UNC79: variants seen among roughly 807,000 people sequenced by gnomAD.
UNC79 encodes protein unc-79 homolog.
Under a neutral mutation model 283.1 loss-of-function variants are expected in UNC79, and 37 were observed. That is an observed-to-expected ratio of 0.13 (90% CI 0.10 to 0.17). The LOEUF is 0.17. UNC79 is among the 10% of genes least tolerant of loss of function. The pLI is 1.00. For synonymous variants in UNC79, 1,107 were observed against 1,200.2 expected (o/e 0.92, Z 1.61); for missense variants, 2,272 against 3,211.1 (o/e 0.71, Z 7.07).
intron 14 of UNC79, among the ~76,000 whole-genome samples, chr14:93,553,387 T>G (rs1404348899): frequency 6.6e-6 from 1 of 152,220 alleles, no homozygotes; most frequent in East Asian, 1.9e-4. Context: ...TTGATATTTA[T>G]GGACACATTA....
At chr14:93,513,121 C>G (rs1001311657) in intron 7 of UNC79, among the ~76,000 whole-genome samples, 3 of 152,012 alleles carry the variant, frequency 2.0e-5, no homozygotes, top group Non-Finnish European at 4.4e-5. Flanking sequence ...TTCTTGATCT[C>G]TAGTCTTTTA....
chr14:93,478,964 A>T (rs1231037716), intron 4 of UNC79, among the ~76,000 whole-genome samples: 1 of 152,234 alleles, frequency 6.6e-6, no homozygotes, highest in Non-Finnish European at 1.5e-5. Flanking sequence ...TCCCTAAATT[A>T]TATAGCAATT....
chr14:93,566,368 T>G (rs1451076583), intron 14 of UNC79, among the ~76,000 whole-genome samples: 1 of 152,166 alleles, frequency 6.6e-6, no homozygotes, highest in African/African-American at 2.4e-5. Context: ...CCACTGGTTT[T>G]CTAAAAAGCA....
chr14:93,347,151 C>T (rs2053858985), intron 1 of UNC79: 2 of 1,250,416 alleles, frequency 1.6e-6, no homozygotes, highest in African/African-American at 1.6e-5. Flanking sequence ...GGGCAGAGCG[C>T]CCCCTCGTGG....
At chr14:93,554,615 G>T (rs912922212) in intron 14 of UNC79, among the ~76,000 whole-genome samples, 4 of 152,044 alleles carry the variant, frequency 2.6e-5, no homozygotes, top group Non-Finnish European at 5.9e-5. Context: ...CCAGATTCTG[G>T]CCCTGTGTTA....
intron 4 of UNC79, among the ~76,000 whole-genome samples, chr14:93,483,929 C>T (rs2058277481): frequency 6.6e-6 from 1 of 152,104 alleles, no homozygotes; most frequent in African/African-American, 2.4e-5. Context: ...TTTGTTAATC[C>T]AGTCTATCAT....
At chr14:93,566,336 C>T (rs1364424503) in intron 14 of UNC79, among the ~76,000 whole-genome samples, 1 of 152,124 alleles carries the variant, frequency 6.6e-6, no homozygotes, top group East Asian at 1.9e-4. Flanking sequence ...GCAAGGGAGA[C>T]AGTGGAAGTG....
At chr14:93,647,960 A>G (rs2069812783) in intron 35 of UNC79, among the ~76,000 whole-genome samples, 1 of 152,182 alleles carries the variant, frequency 6.6e-6, no homozygotes, top group Non-Finnish European at 1.5e-5. Context: ...CGTGAGACTT[A>G]TTCACTACCA....
intron 7 of UNC79, among the ~76,000 whole-genome samples, chr14:93,513,533 T>C (rs1260520086): frequency 2.0e-5 from 3 of 152,096 alleles, no homozygotes; most frequent in Non-Finnish European, 4.4e-5. Flanking sequence ...TGTACCTTTT[T>C]ATGGGATATA....
intron 1 of UNC79, among the ~76,000 whole-genome samples, chr14:93,424,942 T>C (rs1246842351): frequency 1.3e-5 from 2 of 152,136 alleles, no homozygotes; most frequent in Non-Finnish European, 2.9e-5. Context: ...GTATTACACA[T>C]TGCATGCCTA....
At chr14:93,674,433 G>C (rs765464772) in intron 41 of UNC79, among the ~76,000 whole-genome samples, 1 of 152,182 alleles carries the variant, frequency 6.6e-6, no homozygotes, top group Non-Finnish European at 1.5e-5. Context: ...ATCAGCAGGG[G>C]TTCAGGTAAC....
chr14:93,378,916 A>G (rs1395737956), intron 1 of UNC79, among the ~76,000 whole-genome samples: 1 of 152,210 alleles, frequency 6.6e-6, no homozygotes, highest in Non-Finnish European at 1.5e-5. Flanking sequence ...AAACAATAGA[A>G]GATGAGACTC....
exon 1 of UNC79, chr14:93,333,416 C>T (rs528126931): frequency 5.0e-6 from 2 of 398,574 alleles, no homozygotes; most frequent in Non-Finnish European, 8.8e-6. Flanking sequence ...CTCGGGTGGT[C>T]GCATGCAATG....
intron 1 of UNC79, among the ~76,000 whole-genome samples, chr14:93,364,265 C>T (rs926553625): frequency 1.3e-5 from 2 of 152,056 alleles, no homozygotes; most frequent in African/African-American, 4.8e-5. Flanking sequence ...TCATTAGCCC[C>T]CTAAAGATAA....
intron 7 of UNC79, among the ~76,000 whole-genome samples, chr14:93,501,186 A>C (rs1033311764): frequency 4.6e-5 from 7 of 152,078 alleles, no homozygotes; most frequent in African/African-American, 1.7e-4. Flanking sequence ...TTAACCAGGC[A>C]TGGTGGTGCA....
intron 1 of UNC79, among the ~76,000 whole-genome samples, chr14:93,432,116 G>T (rs2055904856): frequency 6.6e-6 from 1 of 152,196 alleles, no homozygotes; most frequent in Non-Finnish European, 1.5e-5. Flanking sequence ...TCTTTGGAAT[G>T]GCTACTAAAG....
At chr14:93,646,007 G>A (rs1410361385) in intron 34 of UNC79, among the ~76,000 whole-genome samples, 1 of 152,040 alleles carries the variant, frequency 6.6e-6, no homozygotes. Flanking sequence ...AAACCCATCA[G>A]TATAGTCCAT....
chr14:93,666,989 A>G (rs2072272617), intron 40 of UNC79, among the ~76,000 whole-genome samples: 1 of 152,184 alleles, frequency 6.6e-6, no homozygotes, highest in South Asian at 2.1e-4. Context: ...CTGTAGTCCT[A>G]GCTGCTCTGG....
exon 7 of UNC79, chr14:93,497,209 T>G: frequency 3.7e-6 from 6 of 1,613,644 alleles, no homozygotes; most frequent in Non-Finnish European, 5.1e-6. Context: ...CCTCCAGCTG[T>G]GCAAATGCTT....
Sources: gnomAD v4.1 joint callset for allele counts (sites outside exome capture counted in the v4.1 genomes callset) on GRCh38, gnomAD v4.1.1 for gene constraint, MANE v1.5 for transcripts, NCBI Gene and HGNC (gene_info 2026-07-23, HGNC 2026-07-21) for gene names.